PHLPP1: variants seen among roughly 807,000 people sequenced by gnomAD.
PHLPP1 encodes the protein PH domain leucine-rich repeat-containing protein phosphatase 1.
In PHLPP1, 42 loss-of-function variants were observed where a neutral mutation model predicts 117.2. The observed-to-expected ratio is 0.36, with a 90% CI of 0.28 to 0.46. PHLPP1 has a LOEUF of 0.46. Ranked by LOEUF, PHLPP1 falls within the 20% of genes least tolerant of loss-of-function variation. PHLPP1 has a pLI of 1.00. For missense variants in PHLPP1, 2,084 were observed against 2,241.9 expected, an observed-to-expected ratio of 0.93 and a Z score of 1.42; for synonymous variants, 1,042 against 970.7, an observed-to-expected ratio of 1.07 and a Z score of -1.37.
intron 4 of PHLPP1, among the ~76,000 whole-genome samples, chr18:62,887,825 CCTT>C (rs1916319054): frequency 6.6e-6 from 1 of 152,040 alleles, no homozygotes; most frequent in African/African-American, 2.4e-5. Context: ...GCAGCCTAAA[CCTT>C]CTGGGTTCAA....
rs191756812 is a variant in PHLPP1, at chr18:62,876,117, A to G, written c.2066+15516A>G. On this transcript the variant is annotated intron_variant, in intron 4 of 16. Transcript: ENST00000262719. ...GAAAGTATGATAAAAGACAATATGC[A>G]CAGTGAGATGATTCAGAAAACCTTA... Among the ~76,000 whole-genome samples the G allele has an allele frequency of 4.5e-3, 685 of 152,330 alleles. 3 individuals are homozygous for G. The highest frequency in any genetic ancestry group is 6.9e-3 in the Non-Finnish European group (472 of 68,028).
In PHLPP1 at chr18:62,941,796, C is replaced by G; in HGVS notation, c.3039C>G (p.Ile1013Met). ...PATLSEETNS[I>M]LQELYLTNNS... ...CGCTTTCCGAAGAGACAAACAGTAT[C>G]TTACAAGAGTTGTATTTGACAAATA... is the stretch of plus-strand genomic sequence containing the variant. The change falls in exon 11 of 17, where the codon ATC becomes ATG. Residue 1013 changes from isoleucine (I) to methionine (M), a missense_variant. This residue lies in a region of PHLPP1 where 1,365 missense variants were observed against 1,605.9 expected (regional missense o/e 0.85). Transcript: ENST00000262719. The G allele has an allele frequency of 6.2e-7, 1 of 1,613,940 alleles. No homozygotes were observed. Among genetic ancestry groups the G allele is most frequent in the Non-Finnish European group, 8.5e-7 (1 of 1,179,790 alleles).
chr18:62,827,408 G>T (rs1402057506), intron 1 of PHLPP1, among the ~76,000 whole-genome samples: 1 of 152,204 alleles, frequency 6.6e-6, no homozygotes, highest in Non-Finnish European at 1.5e-5. Flanking sequence ...TGAGAATTTT[G>T]AGAATTGGCA....
chr18:62,803,411 T>A (rs1355425362), intron 1 of PHLPP1, among the ~76,000 whole-genome samples: 1 of 152,184 alleles, frequency 6.6e-6, no homozygotes, highest in Non-Finnish European at 1.5e-5. Context: ...GCTGTCCTAA[T>A]TTCTAACACT....
chr18:62,971,409 G>C (rs1911045109), intron 14 of PHLPP1, among the ~76,000 whole-genome samples: 2 of 150,042 alleles, frequency 1.3e-5, no homozygotes, highest in South Asian at 4.2e-4. Context: ...TTTCATTTTG[G>C]ACAGTTTCTG....
At position 62,801,435 on chromosome 18, in the gene PHLPP1, G is replaced by C. The variant is rs1599054596; in HGVS notation, c.1577-28600G>C. 2.0e-5 allele frequency among the ~76,000 whole-genome samples: 3 copies of C among 151,892 alleles called. No homozygotes were observed. The East Asian group carries it at 5.9e-4, about 30-fold the overall frequency. On this transcript the variant is annotated intron_variant, in intron 1 of 16. Transcript: ENST00000262719. ...TGCCTGGTAGGTTTGATGCTAAAGA[G>C]ATGCATCAAGCAGAAATTGTTAGTT... is the stretch of plus-strand genomic sequence containing the variant.
intron 4 of PHLPP1, among the ~76,000 whole-genome samples, chr18:62,874,926 T>C (rs1916010021): frequency 6.6e-6 from 1 of 152,176 alleles, no homozygotes. Context: ...GAGGACCTGC[T>C]ATGTATCTGT....
chr18:62,751,991 G>A (rs774056279), intron 1 of PHLPP1, among the ~76,000 whole-genome samples: 18 of 152,160 alleles, frequency 1.2e-4, no homozygotes, highest in Admixed American at 8.5e-4. Flanking sequence ...AGGGTAGGGG[G>A]CATTGGAATG....
At chr18:62,922,646 G>A (rs1177358263) in intron 10 of PHLPP1, among the ~76,000 whole-genome samples, 3 of 152,180 alleles carry the variant, frequency 2.0e-5, no homozygotes, top group African/African-American at 7.2e-5. Flanking sequence ...GGTTTTAGGA[G>A]CCTGAATGAA....
At chr18:62,827,334 A>G (rs1914637718) in intron 1 of PHLPP1, among the ~76,000 whole-genome samples, 1 of 152,204 alleles carries the variant, frequency 6.6e-6, no homozygotes, top group African/African-American at 2.4e-5. Context: ...AAACTGGCAG[A>G]CATGAGTTAC....
chr18:62,890,532 C>G (rs559260665), intron 4 of PHLPP1, among the ~76,000 whole-genome samples: 1 of 152,296 alleles, frequency 6.6e-6, no homozygotes, highest in African/African-American at 2.4e-5. Context: ...TCCCAAAGTG[C>G]TGGGATTACA....
intron 6 of PHLPP1, 61 bp from the exon 7 acceptor site, chr18:62,902,903 G>T: frequency 1.0e-6 from 1 of 955,654 alleles, no homozygotes; most frequent in Non-Finnish European, 1.7e-6. Context: ...TCATATTAGG[G>T]TGTGCCCATT....
intron 13 of PHLPP1, among the ~76,000 whole-genome samples, chr18:62,960,602 C>T (rs950902155): frequency 3.9e-5 from 6 of 152,058 alleles, no homozygotes; most frequent in African/African-American, 1.4e-4. Context: ...TTAACAGATG[C>T]AGTACAAATA....
intron 12 of PHLPP1, among the ~76,000 whole-genome samples, chr18:62,957,163 G>T (rs1457622819): frequency 6.6e-6 from 1 of 152,134 alleles, no homozygotes; most frequent in East Asian, 1.9e-4. Context: ...CTGCATTGTT[G>T]TATCTAGAGC....
In PHLPP1 at chr18:62,957,365, G is replaced by A. The variant is rs549265858; in HGVS notation, c.3325-1264G>A. Among the ~76,000 whole-genome samples, 23 of 151,850 alleles carry A rather than the reference G, an allele frequency of 1.5e-4. No individual in the cohort carries two copies. The South Asian group carries it at 4.8e-3, about 32-fold the overall frequency. On this transcript the variant is annotated intron_variant, in intron 12 of 16. Coordinates refer to ENST00000262719, the MANE Select transcript of PHLPP1 (RefSeq NM_194449.4). ...TTTGTAACCAACATGACCCTTTTGT[G>A]ATTTTTCTTTCAAGTTAAATTAGGG...
intron 1 of PHLPP1, among the ~76,000 whole-genome samples, chr18:62,749,439 T>G (rs1031956075): frequency 1.3e-5 from 2 of 152,262 alleles, no homozygotes; most frequent in Admixed American, 6.5e-5. Context: ...TTCTTCCTTT[T>G]CTTCCTTTCA....
chr18:62,887,855 A>G (rs1248027560), intron 4 of PHLPP1, among the ~76,000 whole-genome samples: 1 of 152,046 alleles, frequency 6.6e-6, no homozygotes, highest in Non-Finnish European at 1.5e-5. Context: ...CTCCCACCTC[A>G]GCCTCCCAAG....
intron 1 of PHLPP1, among the ~76,000 whole-genome samples, chr18:62,717,528 C>T (rs1206357798): frequency 2.0e-5 from 3 of 152,124 alleles, no homozygotes; most frequent in Non-Finnish European, 2.9e-5. Flanking sequence ...GGAAGCAGAT[C>T]CCTCTGAAAG....
intron 1 of PHLPP1, among the ~76,000 whole-genome samples, chr18:62,768,362 C>A (rs906606418): frequency 2.0e-5 from 3 of 152,010 alleles, no homozygotes; most frequent in African/African-American, 4.8e-5. Context: ...CCAGACATGA[C>A]CTGTGAGGCA....
Sources: gnomAD v4.1 joint callset for allele counts (sites outside exome capture counted in the v4.1 genomes callset) on GRCh38, gnomAD v4.1.1 for gene constraint, gnomAD v4.1.1 regional missense constraint, MANE v1.5 for transcripts, NCBI Gene and HGNC (gene_info 2026-07-23, HGNC 2026-07-21) for gene names.